The following CCDC66 variants were observed in gnomAD, a reference collection of about 807,000 sequenced individuals.
CCDC66 encodes the protein coiled-coil domain containing 66, also known as coiled-coil domain-containing protein 66.
CCDC66 carries 133 observed loss-of-function variants against 128.3 expected under a neutral mutation model. The ratio of observed to expected loss-of-function variants is 1.04; its 90% confidence interval spans 0.90 to 1.20. The LOEUF (loss-of-function observed/expected upper bound fraction) is 1.20, where lower values mean the gene tolerates loss of function less well. CCDC66 is among the 50% of genes most tolerant of loss of function. The pLI is 0.00. For missense variants in CCDC66, 1,126 were observed against 1,075.5 expected (o/e 1.05, Z -0.66); for synonymous variants, 387 against 357.0 (o/e 1.08, Z -0.95).
intron 14 of CCDC66, 54 bp from the exon 15 acceptor site, chr3:56,618,118 G>C: frequency 7.5e-7 from 1 of 1,334,262 alleles, no homozygotes; most frequent in Non-Finnish European, 1.1e-6. Flanking sequence ...ATATTTGTGG[G>C]GACATGTGAA....
chr3:56,572,231 G>A, intron 7 of CCDC66: 1 of 513,762 alleles, frequency 1.9e-6, no homozygotes, highest in Non-Finnish European at 3.5e-6. Flanking sequence ...CATATGCCAA[G>A]TGTGTCTTGT....
chr3:56,582,863 T>G (rs1365724243), intron 7 of CCDC66, among the ~76,000 whole-genome samples: 1 of 145,730 alleles, frequency 6.9e-6, no homozygotes, highest in African/African-American at 2.5e-5. Context: ...TTATTATTAT[T>G]ATTATTATTA....
intron 15 of CCDC66, 32 bp from the exon 16 acceptor site, chr3:56,619,239 A>G (rs1456331916): frequency 1.4e-6 from 2 of 1,472,364 alleles, no homozygotes; most frequent in Admixed American, 2.2e-5. Flanking sequence ...TAATCTAAAT[A>G]CACAATTTTT....
chr3:56,576,654 A>G (rs1487785255), intron 7 of CCDC66, among the ~76,000 whole-genome samples: 4 of 148,772 alleles, frequency 2.7e-5, no homozygotes, highest in Non-Finnish European at 5.9e-5. Context: ...AGAACATGCA[A>G]TGTTTGGTTT....
intron 10 of CCDC66, among the ~76,000 whole-genome samples, chr3:56,611,880 G>GA (rs1270432575): frequency 6.6e-6 from 1 of 152,248 alleles, no homozygotes; most frequent in Non-Finnish European, 1.5e-5. Flanking sequence ...GTGTTCGGGA[G>GA]AGGAGGGTCT....
chr3:56,581,642 C>G (rs2068390254), intron 7 of CCDC66, among the ~76,000 whole-genome samples: 1 of 151,772 alleles, frequency 6.6e-6, no homozygotes, highest in African/African-American at 2.4e-5. Context: ...CAGTCAGGAC[C>G]CTCAGCTGCA....
chr3:56,584,909 G>C (rs964737836), intron 7 of CCDC66, among the ~76,000 whole-genome samples: 8 of 151,956 alleles, frequency 5.3e-5, no homozygotes, highest in African/African-American at 1.9e-4. Context: ...GGCCAGCATA[G>C]CGAAACCCCG....
intron 10 of CCDC66, among the ~76,000 whole-genome samples, chr3:56,603,889 TAAAGTCTCCC>T (rs1257344570): frequency 2.0e-5 from 3 of 152,066 alleles, no homozygotes; most frequent in Non-Finnish European, 4.4e-5. Context: ...AGTGGGATGT[TAAAGTCTCCC>T]ATTATCATTG....
intron 3 of CCDC66, among the ~76,000 whole-genome samples, chr3:56,560,676 C>T (rs1466528881): frequency 6.6e-6 from 1 of 152,166 alleles, no homozygotes; most frequent in Non-Finnish European, 1.5e-5. Context: ...GCCGAGATCG[C>T]ACCACTGCAC....
chr3:56,581,911 G>GT (rs1230817036), intron 7 of CCDC66, among the ~76,000 whole-genome samples: 2 of 151,900 alleles, frequency 1.3e-5, no homozygotes, highest in African/African-American at 4.8e-5. Context: ...CTCAAACTCT[G>GT]TGCTGGGAGA....
Position 56,617,394 on chromosome 3 carries a change from C to G in CCDC66, c.2126C>G (p.Pro709Arg). The change falls in exon 14 of 18, where the codon CCT becomes CGT. Residue 709 changes from proline to arginine, a missense_variant. Transcript: ENST00000394672. ...KRPDWNINKP[P>R]KRYIPASEKY... ...CCTGATTGGAATATAAATAAGCCAC[C>G]TAAAAGGTATATTCCAGCATCAGAA... 1 of 1,613,758 alleles carries G rather than the reference C, an allele frequency of 6.2e-7. No individual in the cohort carries two copies. Among genetic ancestry groups the G allele is most frequent in the Non-Finnish European group, 8.5e-7 (1 of 1,179,908 alleles).
intron 10 of CCDC66, among the ~76,000 whole-genome samples, chr3:56,596,938 T>C (rs2072077451): frequency 1.3e-5 from 2 of 149,894 alleles, no homozygotes; most frequent in African/African-American, 2.5e-5. Flanking sequence ...TTTTTTTTTT[T>C]TAGTACAGAT....
At chr3:56,605,838 A>T (rs1188500929) in intron 10 of CCDC66, among the ~76,000 whole-genome samples, 2 of 152,090 alleles carry the variant, frequency 1.3e-5, no homozygotes, top group Non-Finnish European at 2.9e-5. Context: ...GCCATCAGGC[A>T]GGGACGTTTA....
In CCDC66 at chr3:56,615,934, A is replaced by C; in HGVS notation, c.1724A>C (p.Gln575Pro). The change falls in exon 13 of 18, where the codon CAA (glutamine) becomes CCA (proline). Residue 575 changes from glutamine (Q) to proline (P), a missense_variant. Physicochemically the swap from Gln to Pro is moderately conservative, Grantham distance 76. Transcript: ENST00000394672. Reference sequence around the variant, plus strand: ...TTCTCTTTGCCAGTTGATACAATACAAATGGAATATAATGCATCTAACATT... The same window carrying C: ...TTCTCTTTGCCAGTTGATACAATACCAATGGAATATAATGCATCTAACATT... ...LIKNLGVDTI[Q>P]MEYNASNISN... 1 of 1,595,922 alleles carries C rather than the reference A, an allele frequency of 6.3e-7. No homozygotes were observed. The highest frequency in any genetic ancestry group is 8.5e-7 in the Non-Finnish European group (1 of 1,170,934).
chr3:56,618,176 A>G lies in CCDC66; in HGVS notation c.2342A>G (p.Glu781Gly). The change falls in exon 15 of 18, where the codon GAA becomes GGA. Residue 781 changes from glutamate to glycine, a missense_variant. Transcript: ENST00000394672. ...KLRWHLVKKE[E>G]EPLNIHSFSK... is the part of the protein sequence containing the mutation. ...ATTTATCTATCCATATTTTAGGAAG[A>G]AGAGCCTCTGAATATTCATTCATTC... 6.2e-7 allele frequency: 1 copy of G among 1,611,876 alleles called. No individual in the cohort carries two copies.
chr3:56,613,785 T>C (rs1293828346), intron 11 of CCDC66, 35 bp downstream of exon 11: 8 of 1,569,952 alleles, frequency 5.1e-6, no homozygotes, highest in Admixed American at 3.6e-5. Context: ...ACTTTGGTTT[T>C]TGTTTGTGTT....
At chr3:56,605,710 C>T (rs562125515) in intron 10 of CCDC66, among the ~76,000 whole-genome samples, 1 of 152,134 alleles carries the variant, frequency 6.6e-6, no homozygotes, top group African/African-American at 2.4e-5. Context: ...TCTGTCAGCC[C>T]CTACTAGGAA....
chr3:56,619,311 C>G lies in CCDC66; in HGVS notation c.2419C>G (p.Gln807Glu). 3 of 1,611,664 alleles carry G rather than the reference C, an allele frequency of 1.9e-6. No individual in the cohort carries two copies. The highest frequency in any genetic ancestry group is 2.5e-6 in the Non-Finnish European group (3 of 1,178,974). The change falls in exon 16 of 18, where the codon CAA becomes GAA. Residue 807 changes from glutamine to glutamate, a missense_variant. Gln to Glu is a conservative substitution (Grantham distance 29). Coordinates refer to ENST00000394672, the MANE Select transcript of CCDC66 (RefSeq NM_001141947.3). ...AGTTCCAGTAGTGAAAAACAGAACC[C>G]AACAAACTCAAAATACATTACATTT... ...SPVPVVKNRTQQTQNTLHLPL... is the reference protein window; with the variant it reads ...SPVPVVKNRTEQTQNTLHLPL...
At chr3:56,601,789 A>G (rs1370379214) in intron 10 of CCDC66, among the ~76,000 whole-genome samples, 4 of 152,024 alleles carry the variant, frequency 2.6e-5, no homozygotes, top group East Asian at 3.8e-4. Flanking sequence ...TTGGTGTATA[A>G]GAATGCTTGT....
Sources: gnomAD v4.1 joint callset for allele counts (sites outside exome capture counted in the v4.1 genomes callset) on GRCh38, gnomAD v4.1.1 for gene constraint, MANE v1.5 for transcripts, NCBI Gene and HGNC (gene_info 2026-07-23, HGNC 2026-07-21) for gene names.